Variants in NOX4 observed in about 807,000 individuals in gnomAD.
NOX4 encodes kidney oxidase-1.
NOX4 carries 69 observed loss-of-function variants against 87.6 expected under a neutral mutation model. The ratio of observed to expected loss-of-function variants is 0.79; its 90% confidence interval spans 0.65 to 0.96. The LOEUF (loss-of-function observed/expected upper bound fraction) is 0.96. NOX4 is among the 40% of genes least tolerant of loss of function. The probability of loss-of-function intolerance (pLI) is 0.00; values close to 1 mark genes in which losing one functional copy is unlikely to be tolerated. For missense variants in NOX4, 680 were observed against 681.5 expected (o/e 1.00, Z 0.02); for synonymous variants, 275 against 238.2 (o/e 1.15, Z -1.42).
chr11:89,488,902 G>T (rs1195474179), intron 2 of NOX4: 4 of 654,002 alleles, frequency 6.1e-6, no homozygotes, highest in Admixed American at 5.0e-5. Flanking sequence ...TTATTTGTTG[G>T]TTTTTCCATT....
chr11:89,478,265 A>G (rs2135462869), intron 2 of NOX4, among the ~76,000 whole-genome samples: 1 of 152,322 alleles, frequency 6.6e-6, no homozygotes, highest in East Asian at 1.9e-4. Flanking sequence ...CTAAATTGTC[A>G]TTTTTGTAAG....
chr11:89,366,105 A>T (rs1938961791), intron 12 of NOX4, among the ~76,000 whole-genome samples: 2 of 152,126 alleles, frequency 1.3e-5, no homozygotes. Flanking sequence ...CATTTGGCAA[A>T]CTGACATATG....
chr11:89,432,555 C>T (rs1456195581), intron 7 of NOX4, among the ~76,000 whole-genome samples: 1 of 152,020 alleles, frequency 6.6e-6, no homozygotes, highest in South Asian at 2.1e-4. Context: ...TTCTTTTGAT[C>T]ATCAAATGCA....
At chr11:89,506,136 T>A in the NOX4 span, among the ~76,000 whole-genome samples, 1 of 151,766 alleles carries the variant, frequency 6.6e-6, no homozygotes, top group South Asian at 2.1e-4. Context: ...TGTGACAATG[T>A]TTAATGTCAA....
the NOX4 span, among the ~76,000 whole-genome samples, chr11:89,558,903 A>T: frequency 2.6e-5 from 4 of 152,116 alleles, no homozygotes; most frequent in Non-Finnish European, 4.4e-5. Flanking sequence ...CATAAGTGCA[A>T]AGAGGCAGGA....
intron 13 of NOX4, among the ~76,000 whole-genome samples, chr11:89,349,003 C>T (rs574533198): frequency 6.6e-5 from 10 of 152,172 alleles, no homozygotes; most frequent in African/African-American, 2.2e-4. Context: ...ACAAAAATAA[C>T]TTGGGCCAGG....
chr11:89,387,342 A>G (rs558276201), intron 11 of NOX4, among the ~76,000 whole-genome samples: 1 of 151,784 alleles, frequency 6.6e-6, no homozygotes, highest in Non-Finnish European at 1.5e-5. Context: ...AAGCTCCCCC[A>G]CTGAGCACCT....
At chr11:89,382,609 C>T (rs1940373056) in intron 11 of NOX4, among the ~76,000 whole-genome samples, 1 of 151,916 alleles carries the variant, frequency 6.6e-6, no homozygotes, top group South Asian at 2.1e-4. Flanking sequence ...TTCTACCGAC[C>T]CATCTGACTT....
At chr11:89,328,359 G>T (rs910151762) in intron 17 of NOX4, among the ~76,000 whole-genome samples, 1 of 152,092 alleles carries the variant, frequency 6.6e-6, no homozygotes, top group Admixed American at 6.6e-5. Flanking sequence ...TAAATACAGG[G>T]CAATGGGTTG....
the NOX4 span, among the ~76,000 whole-genome samples, chr11:89,504,920 G>T: frequency 6.6e-6 from 1 of 151,974 alleles, no homozygotes; most frequent in Non-Finnish European, 1.5e-5. Context: ...AAGCAATACA[G>T]AATATGATTA....
At chr11:89,455,866 G>A (rs922577391) in intron 2 of NOX4, among the ~76,000 whole-genome samples, 1 of 151,638 alleles carries the variant, frequency 6.6e-6, no homozygotes, top group Admixed American at 6.6e-5. Flanking sequence ...TACACATATG[G>A]GAGCTAAAAA....
chr11:89,588,681 T>C, the NOX4 span, among the ~76,000 whole-genome samples: 5 of 152,114 alleles, frequency 3.3e-5, no homozygotes, highest in Admixed American at 2.0e-4. Context: ...TGTGAAAAAA[T>C]GGTTGGCTGA....
intron 8 of NOX4, among the ~76,000 whole-genome samples, chr11:89,412,907 G>A (rs1942554961): frequency 2.0e-5 from 3 of 152,130 alleles, no homozygotes; most frequent in South Asian, 2.1e-4. Flanking sequence ...AAGAATGGGG[G>A]AAAATATTTG....
At chr11:89,445,171 C>T (rs1447596365) in intron 4 of NOX4, among the ~76,000 whole-genome samples, 1 of 152,046 alleles carries the variant, frequency 6.6e-6, no homozygotes, top group Non-Finnish European at 1.5e-5. Flanking sequence ...GTGACAGAAA[C>T]AAAAGGCTTA....
At chr11:89,438,806 ATAT>A (rs1338864565) in intron 6 of NOX4, among the ~76,000 whole-genome samples, 1 of 25,462 alleles carries the variant, frequency 3.9e-5, no homozygotes, top group Non-Finnish European at 5.2e-5. Context: ...AATATATTAT[ATAT>A]TATATATATT....
chr11:89,464,802 A>T (rs920899423), intron 2 of NOX4, among the ~76,000 whole-genome samples: 6 of 152,244 alleles, frequency 3.9e-5, no homozygotes, highest in Non-Finnish European at 8.8e-5. Context: ...ATTTAAAATG[A>T]GGAAGTATAA....
chr11:89,525,220 GTGTGGAATAGCTGCCTAGA>G, the NOX4 span, among the ~76,000 whole-genome samples: 1 of 151,882 alleles, frequency 6.6e-6, no homozygotes, highest in Non-Finnish European at 1.5e-5. Context: ...AAATTCCTAG[GTGTGGAATAGCTGCCTAGA>G]TGTGGAATAG....
At chr11:89,514,120 T>C in the NOX4 span, among the ~76,000 whole-genome samples, 1 of 152,076 alleles carries the variant, frequency 6.6e-6, no homozygotes, top group African/African-American at 2.4e-5. Context: ...ACAATATTAA[T>C]TCTTTTGCTT....
At chr11:89,343,914 A>G (rs1946110947) in intron 13 of NOX4, among the ~76,000 whole-genome samples, 1 of 152,068 alleles carries the variant, frequency 6.6e-6, no homozygotes, top group South Asian at 2.1e-4. Flanking sequence ...TCAAAAGTAT[A>G]TAAACATTTT....
Sources: gnomAD v4.1 joint callset for allele counts (sites outside exome capture counted in the v4.1 genomes callset) on GRCh38, gnomAD v4.1.1 for gene constraint, MANE v1.5 for transcripts, NCBI Gene and HGNC (gene_info 2026-07-23, HGNC 2026-07-21) for gene names.